The following TRIM5 variants were observed in gnomAD, a reference collection of about 807,000 sequenced individuals.
The protein encoded by TRIM5 is tripartite motif containing 5.
Under a neutral mutation model 35.6 loss-of-function variants are expected in TRIM5, and 31 were observed. That is an observed-to-expected ratio of 0.87 (90% CI 0.65 to 1.18). TRIM5 has a LOEUF of 1.18. TRIM5 is among the 50% of genes most tolerant of loss of function. TRIM5 has a pLI of 0.00. For synonymous variants in TRIM5, 243 were observed against 215.6 expected (o/e 1.13, Z -1.11); for missense variants, 609 against 591.6 (o/e 1.03, Z -0.31).
chr11:5,678,994 G>C, intron 3 of TRIM5, 80 bp downstream of exon 3: 1 of 1,141,544 alleles, frequency 8.8e-7, no homozygotes, highest in South Asian at 1.2e-5. Flanking sequence ...CAAATGTCAG[G>C]GAATAAAGAG....
chr11:5,661,584 C>A (rs1850827159), downstream of TRIM5, among the ~76,000 whole-genome samples: 3 of 152,136 alleles, frequency 2.0e-5, no homozygotes, highest in Admixed American at 2.0e-4. Flanking sequence ...AATGGCCCAG[C>A]ATAGATCTGA....
chr11:5,603,517 C>A, the TRIM5 span: 18 of 1,613,978 alleles, frequency 1.1e-5, no homozygotes, highest in African/African-American at 2.0e-4. Flanking sequence ...AGGGAACCTG[C>A]GGCCTAATCG....
At chr11:5,610,671 G>A in the TRIM5 span, 103 of 1,566,908 alleles carry the variant, frequency 6.6e-5, no homozygotes, top group Non-Finnish European at 8.5e-5. Context: ...CCCCATCCCC[G>A]CCATATAGTT....
At chr11:5,639,252 G>T in the TRIM5 span, among the ~76,000 whole-genome samples, 1 of 152,082 alleles carries the variant, frequency 6.6e-6, no homozygotes, top group East Asian at 1.9e-4. Context: ...TATAGTAAAG[G>T]GTTAAGGGAA....
At chr11:5,607,250 G>C in the TRIM5 span, among the ~76,000 whole-genome samples, 2 of 152,038 alleles carry the variant, frequency 1.3e-5, no homozygotes, top group East Asian at 3.9e-4. Context: ...TCAAAATATG[G>C]ACATAAAGCC....
At chr11:5,621,776 C>T in the TRIM5 span, among the ~76,000 whole-genome samples, 1 of 152,286 alleles carries the variant, frequency 6.6e-6, no homozygotes, top group East Asian at 1.9e-4. Context: ...AAAGGCTAAT[C>T]AGAAACTCAA....
At chr11:5,593,245 T>C in the TRIM5 span, among the ~76,000 whole-genome samples, 1 of 152,240 alleles carries the variant, frequency 6.6e-6, no homozygotes, top group South Asian at 2.1e-4. Flanking sequence ...ACTACCCTGA[T>C]TCTTAATCTT....
chr11:5,678,009 C>T lies in TRIM5; in HGVS notation c.744+195G>A, dbSNP rs1590268423. The T allele has an allele frequency of 4.5e-5, 23 of 512,740 alleles. 1 individual carries two copies. In the East Asian group the frequency reaches 7.4e-4, roughly 16 times the overall value. 31.8% of individuals were successfully genotyped at this position (512,740 alleles called of 1,614,324 possible). A position where few individuals can be genotyped will look rare whatever the true frequency, so the allele number is the denominator to read the frequency against. ...CACTACGTCAAATTTTTCTACTGCT[C>T]TGGATAAATTAATAAAAATGGGATT... On this transcript the variant is annotated intron_variant, in intron 4 of 7. Transcript: ENST00000380034.
At chr11:5,623,937 A>G in the TRIM5 span, among the ~76,000 whole-genome samples, 13 of 152,168 alleles carry the variant, frequency 8.5e-5, no homozygotes, top group Non-Finnish European at 1.9e-4. Context: ...AATGTGCTCT[A>G]CAGGAGGTAG....
the TRIM5 span, among the ~76,000 whole-genome samples, chr11:5,607,858 G>A: frequency 6.6e-6 from 1 of 152,122 alleles, no homozygotes; most frequent in African/African-American, 2.4e-5. Context: ...TAAGGAAAGG[G>A]GGCTGAGCAG....
chr11:5,665,269 T>C lies in TRIM5; in HGVS notation c.1022A>G (p.Asn341Ser). ...CAGGATGCCAGTACAATAATTGAAA[T>C]TCACAAATGTCTGGTATCTTGTCCC... ...ARGTRYQTFV[N>S]FNYCTGILGS... The change falls in exon 8 of 8, where the codon AAT (asparagine) becomes AGT (serine). Residue 341 changes from asparagine (N) to serine (S), a missense_variant. Coordinates refer to ENST00000380034, the MANE Select transcript of TRIM5 (RefSeq NM_033034.3). The C allele has an allele frequency of 6.2e-7, 1 of 1,614,214 alleles. No individual in the cohort carries two copies.
In TRIM5 at chr11:5,671,318, A is replaced by AC. The variant is rs1554932384; in HGVS notation, c.745-3608_745-3607insG. ...CTCAGGGGGATTAAAAAAAAAACACAAAAAAACCCCACAAAACAATAAATA... is the reference window on the plus strand; with the variant it reads ...CTCAGGGGGATTAAAAAAAAAACACACAAAAAACCCCACAAAACAATAAATA... On this transcript the variant is annotated intron_variant, in intron 4 of 7. Transcript: ENST00000380034. Among the ~76,000 whole-genome samples the AC allele has an allele frequency of 1.1e-4, 12 of 112,240 alleles. No homozygotes were observed. The Admixed American group carries it at 1.2e-3, about 11-fold the overall frequency. The allele number at this position is 112,240 out of a possible 152,430, so 73.6% of individuals were successfully genotyped here.
At chr11:5,627,328 C>T in the TRIM5 span, among the ~76,000 whole-genome samples, 3 of 151,870 alleles carry the variant, frequency 2.0e-5, no homozygotes, top group East Asian at 3.9e-4. Flanking sequence ...TGCAGTGAGC[C>T]GAGATCATGC....
chr11:5,654,880 G>C, the TRIM5 span, among the ~76,000 whole-genome samples: 1 of 151,914 alleles, frequency 6.6e-6, no homozygotes, highest in Non-Finnish European at 1.5e-5. Flanking sequence ...CATTTATGTT[G>C]ACTGCAATAT....
At chr11:5,620,246 C>T in the TRIM5 span, among the ~76,000 whole-genome samples, 28 of 128,510 alleles carry the variant, frequency 2.2e-4, no homozygotes, top group Admixed American at 4.9e-4. Flanking sequence ...GGCGGGATCT[C>T]GGCTCACTGC....
downstream of TRIM5, among the ~76,000 whole-genome samples, chr11:5,660,155 T>C (rs959077264): frequency 2.0e-5 from 3 of 152,136 alleles, no homozygotes; most frequent in African/African-American, 4.8e-5. Flanking sequence ...TTTTGTGTTT[T>C]TAGTAGAGAC....
chr11:5,594,067 T>C, the TRIM5 span, among the ~76,000 whole-genome samples: 1 of 152,360 alleles, frequency 6.6e-6, no homozygotes, highest in East Asian at 1.9e-4. Flanking sequence ...TGCACGGATA[T>C]GTTTTCATTT....
At chr11:5,635,387 T>A in the TRIM5 span, among the ~76,000 whole-genome samples, 1 of 151,842 alleles carries the variant, frequency 6.6e-6, no homozygotes, top group East Asian at 1.9e-4. Context: ...CCCGAGTAGC[T>A]GGGACTACAG....
the TRIM5 span, among the ~76,000 whole-genome samples, chr11:5,637,264 G>A: frequency 6.6e-6 from 1 of 152,256 alleles, no homozygotes; most frequent in Admixed American, 6.5e-5. Context: ...TTTCTATATG[G>A]ATTCTCATGA....
Sources: gnomAD v4.1 joint callset for allele counts (sites outside exome capture counted in the v4.1 genomes callset) on GRCh38, gnomAD v4.1.1 for gene constraint, MANE v1.5 for transcripts, NCBI Gene and HGNC (gene_info 2026-07-23, HGNC 2026-07-21) for gene names.